Variants in CLGN observed in about 807,000 individuals in gnomAD.
CLGN encodes the protein calmegin, also known as testis tissue sperm-binding protein Li 79P.
Under a neutral mutation model 79.1 loss-of-function variants are expected in CLGN, and 62 were observed. The observed-to-expected ratio is 0.78, with a 90% confidence interval of 0.64 to 0.97. The LOEUF is 0.97. Among genes scored for constraint, CLGN ranks in the 50% least tolerant of loss-of-function variants. The pLI, the probability that CLGN is intolerant of heterozygous loss-of-function variation, is 0.00. For missense variants in CLGN, 647 were observed against 715.5 expected (o/e 0.90, Z 1.09); for synonymous variants, 225 against 224.7 (o/e 1.00, Z -0.01).
intron 1 of CLGN, among the ~76,000 whole-genome samples, chr4:140,427,321 C>G (rs1729588995): frequency 6.6e-6 from 1 of 152,214 alleles, no homozygotes; most frequent in African/African-American, 2.4e-5. Flanking sequence ...CCTCCTGCGT[C>G]CACCCACGGG....
chr4:140,400,675 A>G, intron 6 of CLGN, 126 bp from the exon 7 acceptor site: 1 of 598,438 alleles, frequency 1.7e-6, no homozygotes, highest in Non-Finnish European at 2.8e-6. Flanking sequence ...AGAGCTAGCT[A>G]TTTAATACAA....
chr4:140,398,822 A>C, intron 8 of CLGN, 29 bp downstream of exon 8: 1 of 1,597,256 alleles, frequency 6.3e-7, no homozygotes, highest in South Asian at 1.1e-5. Flanking sequence ...TATGCCAGAT[A>C]ATGCTTTGCT....
At chr4:140,396,264 A>T in intron 8 of CLGN, 59 bp from the exon 9 acceptor site, 1 of 1,281,166 alleles carries the variant, frequency 7.8e-7, no homozygotes, top group Non-Finnish European at 1.1e-6. Flanking sequence ...TGCATGTTAC[A>T]ACACTAAGAA....
At chr4:140,416,670 T>G (rs1206007625) in intron 1 of CLGN, among the ~76,000 whole-genome samples, 1 of 151,618 alleles carries the variant, frequency 6.6e-6, no homozygotes, top group Non-Finnish European at 1.5e-5. Flanking sequence ...AATCTCTGAA[T>G]AGAGCAATAA....
intron 1 of CLGN, among the ~76,000 whole-genome samples, chr4:140,413,684 C>T (rs916015620): frequency 6.6e-5 from 10 of 152,204 alleles, no homozygotes; most frequent in South Asian, 2.1e-4. Flanking sequence ...GATTATATCC[C>T]GCACCTGGCT....
Position 140,398,868 on chromosome 4 carries a change from G to C in CLGN, c.867C>G (p.Ala289=), listed in dbSNP as rs757318226. The C allele has an allele frequency of 1.9e-6, 3 of 1,613,706 alleles. No individual in the cohort carries two copies. Among genetic ancestry groups the C allele is most frequent in the Admixed American group, 1.7e-5 (1 of 59,974 alleles). ...DERAKIPDPS[A]VKPEDWDESE... is the part of the protein sequence containing the mutation. ...TTGCTTACCAGTCTTCTGGTTTGAC[G>C]GCAGAAGGATCAGGAATTTTTGCTC... The change falls in exon 8 of 15, where the codon GCC becomes GCG. Residue 289 remains alanine, a synonymous_variant. Coordinates refer to ENST00000325617, the MANE Select transcript of CLGN (RefSeq NM_004362.3).
intron 2 of CLGN, among the ~76,000 whole-genome samples, chr4:140,411,564 G>A (rs1001584341): frequency 1.3e-5 from 2 of 152,074 alleles, no homozygotes; most frequent in African/African-American, 4.8e-5. Context: ...TGTATGATTA[G>A]TGAGATTTCT....
chr4:140,395,588 A>T (rs1392485737), intron 10 of CLGN, among the ~76,000 whole-genome samples: 1 of 152,242 alleles, frequency 6.6e-6, no homozygotes, highest in African/African-American at 2.4e-5. Flanking sequence ...TTTCAAAGTG[A>T]GCATCAACTG....
rs1728978445 is a variant in CLGN at position 140,400,450 on chromosome 4, T to G, written c.601A>C (p.Lys201Gln). Reference sequence around the variant, plus strand: ...TGTTTCTCTTCGAAAACTCCAGTTTTGGGATGTTTATGTCTGAAGATAAAA... The same window carrying G: ...TGTTTCTCTTCGAAAACTCCAGTTTGGGGATGTTTATGTCTGAAGATAAAA... ...LHFIFRHKHP[K>Q]TGVFEEKHAK... The change falls in exon 7 of 15, where the codon AAA (lysine) becomes CAA (glutamine). Residue 201 changes from lysine to glutamine, a missense_variant. Transcript: ENST00000325617. 2 of 1,611,996 alleles carry G rather than the reference T, an allele frequency of 1.2e-6. No homozygotes were observed. Among genetic ancestry groups the G allele is most frequent in the Non-Finnish European group, 1.7e-6 (2 of 1,178,256 alleles).
intron 3 of CLGN, among the ~76,000 whole-genome samples, 182 bp from the exon 4 acceptor site, chr4:140,410,077 A>T (rs1247726236): frequency 6.6e-6 from 1 of 152,074 alleles, no homozygotes; most frequent in Admixed American, 6.6e-5. Context: ...CTAGAGTTAA[A>T]CCGAATTTGG....
intron 1 of CLGN, among the ~76,000 whole-genome samples, chr4:140,413,990 C>G (rs935011121): frequency 2.2e-4 from 33 of 152,360 alleles, no homozygotes; most frequent in Non-Finnish European, 2.2e-4. Context: ...GTGGTTCTCC[C>G]AGCACGCAGC....
At chr4:140,392,489 AT>A in intron 12 of CLGN, 96 bp downstream of exon 12, 1 of 1,486,624 alleles carries the variant, frequency 6.7e-7, no homozygotes. Flanking sequence ...CTTATGAGAC[AT>A]TTAGTTTATT....
At chr4:140,420,604 A>G (rs1055335534) in intron 1 of CLGN, among the ~76,000 whole-genome samples, 10 of 152,042 alleles carry the variant, frequency 6.6e-5, no homozygotes, top group Admixed American at 1.3e-4. Context: ...GTAATGCTGC[A>G]GTATCCTATC....
At chr4:140,400,619 C>A in intron 6 of CLGN, 70 bp from the exon 7 acceptor site, 1 of 984,618 alleles carries the variant, frequency 1.0e-6, no homozygotes, top group Non-Finnish European at 1.5e-6. Context: ...TGTATTTTAT[C>A]CAATGGGTAG....
Position 140,392,611 on chromosome 4 carries a change from G to C in CLGN, c.1466C>G (p.Ser489Ter). 1 of 1,600,690 alleles carries C rather than the reference G, an allele frequency of 6.2e-7. No homozygotes were observed. Among genetic ancestry groups the C allele is most frequent in the African/African-American group, 1.3e-5 (1 of 74,306 alleles). ...TAGVPIALIT[S>*]FCWPRKVKKK... Reference sequence around the variant, plus strand: ...CTTTACTTTTCTTGGCCAACAAAATGAAGTAATTAATGCTATTGGCACTCC... The same window carrying C: ...CTTTACTTTTCTTGGCCAACAAAATCAAGTAATTAATGCTATTGGCACTCC... The change falls in exon 12 of 15, where the codon TCA (serine) becomes TGA (stop). Residue 489 changes from serine to a stop codon, truncating the protein, a stop_gained. Transcript: ENST00000325617. LOFTEE classifies it high-confidence loss of function.
chr4:140,423,888 A>G (rs67477518), intron 1 of CLGN, among the ~76,000 whole-genome samples: 1 of 151,994 alleles, frequency 6.6e-6, no homozygotes, highest in South Asian at 2.1e-4. Flanking sequence ...TACCAATTTT[A>G]GTTATTTGAG....
At position 140,421,555 on chromosome 4, in the gene CLGN, G is replaced by C. The variant is rs531691735; in HGVS notation, c.-10+5982C>G. ...TTGATTTGCATTTCCCTGATGATTA[G>C]TGATACTGAGTATCTTTTCATGTGC... On this transcript the variant is annotated intron_variant, in intron 1 of 14. Transcript: ENST00000325617. 5.3e-5 allele frequency among the ~76,000 whole-genome samples: 8 copies of C among 152,182 alleles called. No individual in the cohort carries two copies. In the East Asian group the frequency reaches 9.7e-4, roughly 18 times the overall value.
intron 7 of CLGN, 55 bp from the exon 8 acceptor site, chr4:140,399,095 A>C: frequency 7.0e-7 from 1 of 1,428,588 alleles, no homozygotes; most frequent in South Asian, 1.3e-5. Flanking sequence ...CGCTTTAAAG[A>C]TAATCTTCTA....
chr4:140,419,301 T>C (rs1392936205), intron 1 of CLGN, among the ~76,000 whole-genome samples: 1 of 152,098 alleles, frequency 6.6e-6, no homozygotes, highest in Non-Finnish European at 1.5e-5. Flanking sequence ...CATGTATACA[T>C]ATGTAACTAA....
Sources: allele counts gnomAD v4.1 joint callset (sites outside exome capture counted in the v4.1 genomes callset), GRCh38; gene constraint gnomAD v4.1.1; transcripts MANE v1.5; gene names NCBI Gene and HGNC (gene_info 2026-07-23, HGNC 2026-07-21).